TTYH3: variants seen among roughly 807,000 people sequenced by gnomAD.
The protein encoded by TTYH3 is protein tweety homolog 3.
Under a neutral mutation model 68.2 loss-of-function variants are expected in TTYH3, and 23 were observed. The ratio of observed to expected loss-of-function variants is 0.34; its 90% confidence interval spans 0.24 to 0.48. The LOEUF (loss-of-function observed/expected upper bound fraction) is 0.48, where lower values mean the gene tolerates loss of function less well. Among genes scored for constraint, TTYH3 ranks in the 20% least tolerant of loss-of-function variants. The pLI, the probability that TTYH3 is intolerant of heterozygous loss-of-function variation, is 0.99. For synonymous variants in TTYH3, 360 were observed against 332.8 expected, an observed-to-expected ratio of 1.08 and a Z score of -0.89; for missense variants, 768 against 727.7, an observed-to-expected ratio of 1.06 and a Z score of -0.64.
chr7:2,651,589 C>T (rs1022211611), intron 7 of TTYH3, among the ~76,000 whole-genome samples: 2 of 152,198 alleles, frequency 1.3e-5, no homozygotes, highest in Non-Finnish European at 2.9e-5. Flanking sequence ...TACATGTACA[C>T]ACGTAAGTGT....
intron 1 of TTYH3, among the ~76,000 whole-genome samples, chr7:2,633,060 G>T (rs1378845345): frequency 6.6e-6 from 1 of 152,128 alleles, no homozygotes; most frequent in African/African-American, 2.4e-5. Context: ...TCCCAGGGGA[G>T]CCCTTAGCCT....
intron 5 of TTYH3, chr7:2,648,525 C>T (rs1266913420): frequency 6.3e-6 from 1 of 157,506 alleles, no homozygotes; most frequent in South Asian, 2.0e-4. Flanking sequence ...AGAGCGGCAG[C>T]TCCTCTGTGG....
At chr7:2,638,922 GGGTGGT>G (rs1785754291) in intron 1 of TTYH3, among the ~76,000 whole-genome samples, 1 of 152,126 alleles carries the variant, frequency 6.6e-6, no homozygotes, top group Non-Finnish European at 1.5e-5. Context: ...CCTGACATGG[GGGTGGT>G]GGTAGTGGCT....
rs1017417120 is a variant in TTYH3, at chr7:2,658,281, C to T, written c.1251-5C>T. 23 of 1,559,272 alleles carry T rather than the reference C, an allele frequency of 1.5e-5. No individual in the cohort carries two copies. Among genetic ancestry groups the T allele is most frequent in the Admixed American group, 3.8e-5 (2 of 53,036 alleles). ...TGAGCCCGTGCTGCGTGTCCCTCCT[C>T]ACAGAGGCCCTGATGAGGACGGGGA... On this transcript the variant is annotated splice_polypyrimidine_tract_variant and splice_region_variant and intron_variant, in intron 11 of 13. Coordinates refer to ENST00000258796, the MANE Select transcript of TTYH3 (RefSeq NM_025250.3).
intron 6 of TTYH3, 84 bp downstream of exon 6, chr7:2,649,723 T>C: frequency 1.3e-6 from 2 of 1,512,028 alleles, no homozygotes; most frequent in Non-Finnish European, 1.8e-6. Context: ...TCCTCTCCCC[T>C]CCCATCTTCC....
chr7:2,635,450 A>G (rs2114970374), intron 1 of TTYH3, among the ~76,000 whole-genome samples: 1 of 152,266 alleles, frequency 6.6e-6, no homozygotes, highest in East Asian at 1.9e-4. Context: ...GCAGGGATCA[A>G]GTTCATGCCC....
At chr7:2,654,566 G>C (rs1322116253) in intron 9 of TTYH3, among the ~76,000 whole-genome samples, 3 of 152,100 alleles carry the variant, frequency 2.0e-5, no homozygotes, top group Non-Finnish European at 4.4e-5. Flanking sequence ...TTTTGCACTC[G>C]AGTGGGTAGG....
At chr7:2,655,056 G>A (rs1412506962) in intron 9 of TTYH3, among the ~76,000 whole-genome samples, 1 of 152,224 alleles carries the variant, frequency 6.6e-6, no homozygotes, top group Non-Finnish European at 1.5e-5. Flanking sequence ...CCCTTTCTGA[G>A]GTCCTGGGGG....
intron 5 of TTYH3, among the ~76,000 whole-genome samples, chr7:2,649,358 C>A (rs1006995128): frequency 3.3e-5 from 5 of 152,126 alleles, no homozygotes; most frequent in Non-Finnish European, 7.4e-5. Flanking sequence ...CAGCTCAGAT[C>A]TCTGAGCCCC....
chr7:2,658,530 G>A (rs1786403122), intron 12 of TTYH3, 71 bp downstream of exon 12: 16 of 1,519,372 alleles, frequency 1.1e-5, no homozygotes, highest in Non-Finnish European at 1.4e-5. Context: ...TCTGGGCTGG[G>A]GCTAGCTCGA....
chr7:2,647,884 C>G, intron 4 of TTYH3, 75 bp from the exon 5 acceptor site: 1 of 1,544,330 alleles, frequency 6.5e-7, no homozygotes, highest in Non-Finnish European at 8.8e-7. Context: ...CTCAGCTCCC[C>G]CTCAAGGGCC....
rs186868649 is a variant in TTYH3, at chr7:2,648,799, C to T, written c.722+745C>T. 5.9e-3 allele frequency among the ~76,000 whole-genome samples: 901 copies of T among 151,734 alleles called. 3 individuals are homozygous for T. The highest frequency in any genetic ancestry group is 7.0e-3 in the Non-Finnish European group (477 of 67,912). Reference sequence around the variant, plus strand: ...CACGCTGTGCCCAAGGAGACCTGAGCGAGGAGGGATTGAGCAGGGGCCCAA... The same window carrying T: ...CACGCTGTGCCCAAGGAGACCTGAGTGAGGAGGGATTGAGCAGGGGCCCAA... On this transcript the variant is annotated intron_variant, in intron 5 of 13. Transcript: ENST00000258796.
rs769496196 is a variant in TTYH3, at chr7:2,648,011, G to A, written c.679G>A (p.Val227Met). The A allele has an allele frequency of 1.4e-5, 22 of 1,610,912 alleles. No individual in the cohort carries two copies. The Admixed American group carries it at 3.5e-4, about 26-fold the overall frequency. ...LLLDVIICLL[V>M]LVGLIRSSKG... ...GCTGGACGTCATCATCTGCCTCCTG[G>A]TGCTGGTTGGCCTCATCCGCAGCTC... is the stretch of plus-strand genomic sequence containing the variant. The change falls in exon 5 of 14, where the codon GTG becomes ATG. Residue 227 changes from valine (V) to methionine (M), a missense_variant. By Grantham distance (21) the Val-to-Met change is conservative. Coordinates refer to ENST00000258796, the MANE Select transcript of TTYH3 (RefSeq NM_025250.3).
At position 2,647,619 on chromosome 7, in the gene TTYH3, G is replaced by T; in HGVS notation, c.607G>T (p.Asp203Tyr). ...GCTGGAGGTGCTGGCGGAGCAGGTG[G>T]ATCTCTACGACTGGTACAGGTGCGG... ...VSLEVLAEQV[D>Y]LYDWYRWLGY... Residue 203 changes from aspartate to tyrosine, a missense_variant, in exon 4 of 14, where the codon GAT becomes TAT. By Grantham distance (160) the Asp-to-Tyr change is radical (BLOSUM62 -3). Coordinates refer to ENST00000258796, the MANE Select transcript of TTYH3 (RefSeq NM_025250.3). 6.4e-7 allele frequency: 1 copy of T among 1,571,724 alleles called. No homozygotes were observed. Among genetic ancestry groups the T allele is most frequent in the East Asian group, 2.4e-5 (1 of 42,442 alleles).
chr7:2,652,220 G>A lies in TTYH3; in HGVS notation c.905G>A (p.Arg302His), dbSNP rs141963459. The A allele has an allele frequency of 7.4e-5, 120 of 1,612,796 alleles. No homozygotes were observed. Among genetic ancestry groups the A allele is most frequent in the African/African-American group, 2.7e-5 (2 of 74,938 alleles). Residue 302 changes from arginine to histidine, a missense_variant, in exon 8 of 14, where the codon CGC becomes CAC. Arg to His is a conservative substitution (Grantham distance 29). Coordinates refer to ENST00000258796, the MANE Select transcript of TTYH3 (RefSeq NM_025250.3). ...ILQYYLACSP[R>H]AANPFQQKLS... ...CAGTACTACCTGGCCTGCTCGCCCC[G>A]CGCCGCCAACCCCTTCCAGCAGGTG... is the stretch of plus-strand genomic sequence containing the variant.
At chr7:2,646,390 C>T (rs1162359182) in intron 1 of TTYH3, among the ~76,000 whole-genome samples, 1 of 152,226 alleles carries the variant, frequency 6.6e-6, no homozygotes, top group African/African-American at 2.4e-5. Context: ...GCTGTGGCTG[C>T]AAAGATGGTG....
At chr7:2,659,130 C>A in intron 13 of TTYH3, 115 bp downstream of exon 13, 5 of 998,366 alleles carry the variant, frequency 5.0e-6, no homozygotes, top group Non-Finnish European at 7.5e-6. Flanking sequence ...CTGGGGGCAG[C>A]TGTGAGCTGC....
Position 2,647,772 on chromosome 7 carries a change from G to A in TTYH3, c.626+134G>A, listed in dbSNP as rs772125466. ...GGCCCAGGGCCACTGGAGGTCACAG[G>A]CAGTGGCTGGAGTTCCCCTAATGGG... On this transcript the variant is annotated intron_variant, in intron 4 of 13. Transcript: ENST00000258796. 504 of 1,111,156 alleles carry A rather than the reference G, an allele frequency of 4.5e-4. 1 individual carries two copies. The highest frequency in any genetic ancestry group is 6.2e-4 in the Non-Finnish European group (484 of 777,966). The allele number at this position is 1,111,156 out of a possible 1,614,324, so 68.8% of individuals were successfully genotyped here.
chr7:2,660,758 G>T (rs953225426), intron 13 of TTYH3, among the ~76,000 whole-genome samples: 1 of 152,136 alleles, frequency 6.6e-6, no homozygotes, highest in African/African-American at 2.4e-5. Flanking sequence ...TGGGCCTGGG[G>T]CCCTGGGGTT....
Sources: gnomAD v4.1 joint callset for allele counts (sites outside exome capture counted in the v4.1 genomes callset) on GRCh38, gnomAD v4.1.1 for gene constraint, MANE v1.5 for transcripts, NCBI Gene and HGNC (gene_info 2026-07-23, HGNC 2026-07-21) for gene names.